ZNF782: variants seen among roughly 807,000 people sequenced by gnomAD.
ZNF782 encodes the protein zinc finger protein 782.
ZNF782 carries 12 observed loss-of-function variants against 13.0 expected under a neutral mutation model. The ratio of observed to expected loss-of-function variants is 0.92; its 90% CI spans 0.59 to 1.50. The LOEUF (loss-of-function observed/expected upper bound fraction) is 1.50. Ranked by LOEUF, ZNF782 falls within the 40% of genes most tolerant of loss-of-function variation. The probability of loss-of-function intolerance (pLI) is 0.00; values close to 1 mark genes in which losing one functional copy is unlikely to be tolerated. For missense variants in ZNF782, 770 were observed against 822.9 expected (o/e 0.94, Z 0.79); for synonymous variants, 284 against 283.0 (o/e 1.00, Z -0.04).
intron 1 of ZNF782, among the ~76,000 whole-genome samples, chr9:96,873,753 C>T (rs1227794957): frequency 6.6e-6 from 1 of 152,148 alleles, no homozygotes; most frequent in Non-Finnish European, 1.5e-5. Flanking sequence ...CATTGCTCTC[C>T]CCTTTGGCTT....
At chr9:96,846,327 T>C (rs1010213235) in intron 3 of ZNF782, among the ~76,000 whole-genome samples, 9 of 152,152 alleles carry the variant, frequency 5.9e-5, no homozygotes, top group Non-Finnish European at 1.0e-4. Context: ...AAGAGAACAG[T>C]ATCTCACATC....
chr9:96,817,911 A>C lies in ZNF782; in HGVS notation c.*12T>G. 6.5e-7 allele frequency: 1 copy of C among 1,535,470 alleles called. No homozygotes were observed. Among genetic ancestry groups the C allele is most frequent in the Non-Finnish European group, 8.7e-7 (1 of 1,147,344 alleles). ...AGCTCAGAGTTTTTTCGTATTCTTTATATGCATACATTTAATCCCCTGGGT... is the reference window on the plus strand; with the variant it reads ...AGCTCAGAGTTTTTTCGTATTCTTTCTATGCATACATTTAATCCCCTGGGT... On this transcript the variant is annotated 3_prime_UTR_variant, in exon 6 of 6. Transcript: ENST00000481138.
the ZNF782 span, among the ~76,000 whole-genome samples, chr9:96,925,628 CAAA>C: frequency 7.2e-4 from 62 of 85,570 alleles, no homozygotes; most frequent in African/African-American, 2.2e-3. Flanking sequence ...GACTCTATCT[CAAA>C]AAAAAAAAAA....
chr9:96,844,404 T>C lies in ZNF782; in HGVS notation c.142+486A>G, dbSNP rs112233906. Among the ~76,000 whole-genome samples, 206 of 152,308 alleles carry C rather than the reference T, an allele frequency of 1.4e-3. 2 individuals carry two copies. Among genetic ancestry groups the C allele is most frequent in the African/African-American group, 4.6e-3 (193 of 41,570 alleles). ...TATATACCCACAAAGCGGCACTACTTAGGATAAAATAATTAACCACTTATA... is the reference window on the plus strand; with the variant it reads ...TATATACCCACAAAGCGGCACTACTCAGGATAAAATAATTAACCACTTATA... On this transcript the variant is annotated intron_variant, in intron 4 of 5. Transcript: ENST00000481138.
intron 4 of ZNF782, among the ~76,000 whole-genome samples, chr9:96,838,080 T>C (rs1288792168): frequency 6.6e-6 from 1 of 152,210 alleles, no homozygotes; most frequent in Non-Finnish European, 1.5e-5. Context: ...TTGCTTTAGC[T>C]GCATTTCACA....
the ZNF782 span, among the ~76,000 whole-genome samples, chr9:96,922,517 A>C: frequency 6.6e-6 from 1 of 152,306 alleles, no homozygotes; most frequent in Non-Finnish European, 1.5e-5. Context: ...TCACGCCTGT[A>C]ATCCCAGCAC....
rs563471778 is a variant in ZNF782, at chr9:96,827,224, GTT to G, written c.143-45_143-44del. On this transcript the variant is annotated intron_variant, in intron 4 of 5. Coordinates refer to ENST00000481138, the MANE Select transcript of ZNF782 (RefSeq NM_001001662.3). ...TTTAGCATTTGCATTAGTTGCATAG[GTT>G]CTACTGTTTCTGAATGTGAAGAAGG... is the stretch of plus-strand genomic sequence containing the variant. 2.1e-5 allele frequency: 29 copies of G among 1,403,916 alleles called. No homozygotes were observed. The South Asian group carries it at 2.1e-4, about 10-fold the overall frequency. The allele number at this position is 1,403,916 out of a possible 1,614,324, so 87.0% of individuals were successfully genotyped here. A position where few individuals can be genotyped will look rare whatever the true frequency, so the allele number is the denominator to read the frequency against.
chr9:96,839,590 T>C (rs912672207), intron 4 of ZNF782, among the ~76,000 whole-genome samples: 1 of 152,186 alleles, frequency 6.6e-6, no homozygotes, highest in Non-Finnish European at 1.5e-5. Flanking sequence ...AAAACGTATG[T>C]AGTTCAAAAA....
intron 1 of ZNF782, among the ~76,000 whole-genome samples, chr9:96,853,572 A>T (rs1851566786): frequency 6.6e-6 from 1 of 152,232 alleles, no homozygotes; most frequent in South Asian, 2.1e-4. Context: ...CTGACAATGC[A>T]GAAGGGGCCA....
At chr9:96,854,856 A>T (rs1339722032), upstream of ZNF782, among the ~76,000 whole-genome samples, 1 of 152,220 alleles carries the variant, frequency 6.6e-6, no homozygotes, top group African/African-American at 2.4e-5. Context: ...CAAATATTGA[A>T]AAAAAGTACC....
chr9:96,887,475 A>G, the ZNF782 span: 6 of 152,402 alleles, frequency 3.9e-5, no homozygotes, highest in Admixed American at 6.5e-5. Flanking sequence ...AGATTGGCAG[A>G]GTGGACTAAA....
chr9:96,845,927 C>T (rs1851329245), intron 3 of ZNF782, among the ~76,000 whole-genome samples: 1 of 152,046 alleles, frequency 6.6e-6, no homozygotes. Flanking sequence ...ACATGAAGGA[C>T]AAAATTCTAA....
upstream of ZNF782, among the ~76,000 whole-genome samples, chr9:96,876,943 CAAAAAAAAAAAAA>C (rs398011569): frequency 0.02 from 846 of 42,948 alleles, 6 homozygotes; most frequent in Middle Eastern, 0.029. Flanking sequence ...AACTCCGACT[CAAAAAAAAAAAAA>C]AAAAAAAAAA....
chr9:96,893,856 C>T, the ZNF782 span: 1 of 143,912 alleles, frequency 6.9e-6, no homozygotes, highest in Non-Finnish European at 1.5e-5. Flanking sequence ...AAAAATTAGC[C>T]GGGAGCGGTG....
the ZNF782 span, among the ~76,000 whole-genome samples, chr9:96,882,111 C>T: frequency 9.0e-3 from 1,357 of 151,360 alleles, 17 homozygotes; most frequent in African/African-American, 0.031. Context: ...CAATAGTTAA[C>T]TATTTAATAT....
At chr9:96,887,409 C>T in the ZNF782 span, 2 of 152,148 alleles carry the variant, frequency 1.3e-5, no homozygotes, top group Non-Finnish European at 2.9e-5. Context: ...CCTCATATAT[C>T]AGAATTGCTA....
chr9:96,931,900 G>T, the ZNF782 span: 1 of 1,612,238 alleles, frequency 6.2e-7, no homozygotes, highest in Non-Finnish European at 8.5e-7. Context: ...CCCCTCTAGT[G>T]GCAGGACAGG....
At chr9:96,866,719 A>G (rs1384050737) in intron 1 of ZNF782, among the ~76,000 whole-genome samples, 1 of 152,196 alleles carries the variant, frequency 6.6e-6, no homozygotes, top group Non-Finnish European at 1.5e-5. Context: ...GAAGGCAGCT[A>G]GGAGGGGGGG....
At chr9:96,924,801 C>CA in the ZNF782 span, among the ~76,000 whole-genome samples, 1 of 152,254 alleles carries the variant, frequency 6.6e-6, no homozygotes, top group African/African-American at 2.4e-5. Context: ...ACGGCCGAGA[C>CA]AAACTTTGGG....
Sources: allele counts gnomAD v4.1 joint callset (sites outside exome capture counted in the v4.1 genomes callset), GRCh38; gene constraint gnomAD v4.1.1; transcripts MANE v1.5; gene names NCBI Gene and HGNC (gene_info 2026-07-23, HGNC 2026-07-21).